The following TMEM184A variants were observed in gnomAD, a reference collection of about 807,000 sequenced individuals.
TMEM184A encodes transmembrane protein 184A.
In TMEM184A, 40 loss-of-function variants were observed where a neutral mutation model predicts 39.5. That is an observed-to-expected ratio of 1.01 (90% CI 0.79 to 1.32). The LOEUF is 1.32. Ranked by LOEUF, TMEM184A falls within the 40% of genes most tolerant of loss-of-function variation. TMEM184A has a pLI of 0.00. For missense variants in TMEM184A, 603 were observed against 568.8 expected (o/e 1.06, Z -0.61); for synonymous variants, 280 against 252.3 (o/e 1.11, Z -1.04).
At chr7:1,549,255 C>T in intron 6 of TMEM184A, 1 of 369,754 alleles carries the variant, frequency 2.7e-6, no homozygotes, top group Non-Finnish European at 5.3e-6. Flanking sequence ...TGTGTGCGCA[C>T]AGGTGACAGC....
chr7:1,550,500 C>T (rs1302639385), intron 3 of TMEM184A, 105 bp from the exon 4 acceptor site: 1 of 939,626 alleles, frequency 1.1e-6, no homozygotes, highest in African/African-American at 1.6e-5. Flanking sequence ...GGGCTGAGCC[C>T]AGCAGGCCAC....
intron 6 of TMEM184A, chr7:1,549,565 G>A (rs2128554625): frequency 1.8e-6 from 1 of 549,228 alleles, no homozygotes; most frequent in Admixed American, 2.2e-5. Context: ...TGTCCTGTGA[G>A]GGGAGGTCCA....
rs767524220 is a variant in TMEM184A at position 1,547,851 on chromosome 7, G to A, written c.903C>T (p.Ala301=). 29 of 1,607,782 alleles carry A rather than the reference G, an allele frequency of 1.8e-5. No homozygotes were observed. The highest frequency in any genetic ancestry group is 5.3e-5 in the African/African-American group (4 of 74,828). ...GGNKLGAGTL[A]AGYQNFIICV... is the part of the protein sequence containing the mutation. Reference sequence around the variant, plus strand: ...AGATGATGAAGTTCTGGTAGCCGGCGGCCAGCGTGCCAGCCCCCAGCTTGT... The same window carrying A: ...AGATGATGAAGTTCTGGTAGCCGGCAGCCAGCGTGCCAGCCCCCAGCTTGT... Residue 301 remains alanine (A), a synonymous_variant, in exon 8 of 9, where the codon GCC becomes GCT. Coordinates refer to ENST00000297477, the MANE Select transcript of TMEM184A (RefSeq NM_001097620.2).
rs1434365871 is a variant in TMEM184A, at chr7:1,553,077, A to G, written c.220-2095T>C. Among the ~76,000 whole-genome samples, 4 of 152,092 alleles carry G rather than the reference A, an allele frequency of 2.6e-5. No homozygotes were observed. In the East Asian group the frequency reaches 7.7e-4, roughly 29 times the overall value. Reference sequence around the variant, plus strand: ...CTAAAAAAAAAGAAAGCCTGGGAAAAAGTATGGGTGATTATAGTAGTGTTT... The same window carrying G: ...CTAAAAAAAAAGAAAGCCTGGGAAAGAGTATGGGTGATTATAGTAGTGTTT... On this transcript the variant is annotated intron_variant, in intron 2 of 8. Transcript: ENST00000297477.
In TMEM184A at chr7:1,546,099, G is replaced by C. The variant is rs1025713367; in HGVS notation, c.*853C>G. 6.6e-6 allele frequency: 1 copy of C among 152,614 alleles called. No individual in the cohort carries two copies. Among genetic ancestry groups the C allele is most frequent in the African/African-American group, 2.4e-5 (1 of 41,454 alleles). 9.5% of individuals were successfully genotyped at this position (152,614 alleles called of 1,614,324 possible). ...TCTGCCCTGCACTGCCCTGGACCAC[G>C]AGGCTGCCCACCCCAGACAGGTGGG... is the stretch of plus-strand genomic sequence containing the variant. On this transcript the variant is annotated 3_prime_UTR_variant, in exon 9 of 9. Transcript: ENST00000297477.
chr7:1,547,195 G>C lies in TMEM184A; in HGVS notation c.1013-14C>G. Reference sequence around the variant, plus strand: ...GTGCCGGGGGGGCTGGGGGAGGGCAGTGTATGAGCCCCACCATCCCCCCTG... The same window carrying C: ...GTGCCGGGGGGGCTGGGGGAGGGCACTGTATGAGCCCCACCATCCCCCCTG... On this transcript the variant is annotated splice_polypyrimidine_tract_variant and intron_variant, in intron 8 of 8. Coordinates refer to ENST00000297477, the MANE Select transcript of TMEM184A (RefSeq NM_001097620.2). The C allele has an allele frequency of 6.7e-7, 1 of 1,484,972 alleles. No homozygotes were observed. The highest frequency in any genetic ancestry group is 9.3e-7 in the Non-Finnish European group (1 of 1,079,222). The allele number at this position is 1,484,972 out of a possible 1,614,324, so 92.0% of individuals were successfully genotyped here. A position where few individuals can be genotyped will look rare whatever the true frequency, so the allele number is the denominator to read the frequency against.
At chr7:1,554,819 C>T (rs995596776) in intron 2 of TMEM184A, among the ~76,000 whole-genome samples, 25 of 152,298 alleles carry the variant, frequency 1.6e-4, no homozygotes, top group African/African-American at 6.0e-4. Context: ...GTGACCTTTG[C>T]TCCCCAGCTC....
chr7:1,555,545 A>T lies in TMEM184A; in HGVS notation c.1-61T>A. 1 of 1,313,342 alleles carries T rather than the reference A, an allele frequency of 7.6e-7. No individual in the cohort carries two copies. The highest frequency in any genetic ancestry group is 1.1e-6 in the Non-Finnish European group (1 of 922,770). The allele number at this position is 1,313,342 out of a possible 1,614,324, so 81.4% of individuals were successfully genotyped here. ...GAGGGCAAAGGTACTGGCTCCCGGC[A>T]GCAGGAAGCAGCGGGGGAGGGAGGA... On this transcript the variant is annotated intron_variant, in intron 1 of 8. Coordinates refer to ENST00000297477, the MANE Select transcript of TMEM184A (RefSeq NM_001097620.2). This position sits in a 1 kb window ranked among gnomAD's most constrained non-coding sequence, Gnocchi z 5.2.
chr7:1,550,414 G>C lies in TMEM184A; in HGVS notation c.386-19C>G, dbSNP rs369268273. 5 of 1,599,386 alleles carry C rather than the reference G, an allele frequency of 3.1e-6. No homozygotes were observed. Among genetic ancestry groups the C allele is most frequent in the African/African-American group, 1.3e-5 (1 of 74,668 alleles). On this transcript the variant is annotated intron_variant, in intron 3 of 8. Coordinates refer to ENST00000297477, the MANE Select transcript of TMEM184A (RefSeq NM_001097620.2). The stretch of plus-strand genomic sequence containing the variant: ...ACAAAGGCTGCAGGGAGCACAGAGG[G>C]GGACCGGCTGTGAGCCCTGAGCTGC...
chr7:1,549,252 G>A (rs530507519), intron 6 of TMEM184A: 105 of 444,962 alleles, frequency 2.4e-4, no homozygotes, highest in Admixed American at 5.9e-4. Context: ...TGATGTGTGC[G>A]CACAGGTGAC....
At chr7:1,552,876 G>T (rs568312392) in intron 2 of TMEM184A, among the ~76,000 whole-genome samples, 1 of 152,230 alleles carries the variant, frequency 6.6e-6, no homozygotes, top group East Asian at 1.9e-4. Flanking sequence ...TCAACAGGGC[G>T]AACTCCATCT....
rs1236634988 is a variant in TMEM184A at position 1,543,975 on chromosome 7, C to T, written c.*2977G>A. 1 of 152,322 alleles carries T rather than the reference C, an allele frequency of 6.6e-6. No homozygotes were observed. Among genetic ancestry groups the T allele is most frequent in the Non-Finnish European group, 1.5e-5 (1 of 68,112 alleles). The allele number at this position is 152,322 out of a possible 1,614,324, so 9.4% of individuals were successfully genotyped here. A position where few individuals can be genotyped will look rare whatever the true frequency, so the allele number is the denominator to read the frequency against. On this transcript the variant is annotated 3_prime_UTR_variant, in exon 9 of 9. Coordinates refer to ENST00000297477, the MANE Select transcript of TMEM184A (RefSeq NM_001097620.2). ...CATCTGTGTGGCCTGGGGCCAGTTCCCTCCTTCCCAGCCTTGCTTCCTGTG... is the reference window on the plus strand; with the variant it reads ...CATCTGTGTGGCCTGGGGCCAGTTCTCTCCTTCCCAGCCTTGCTTCCTGTG...
chr7:1,542,705 T>C lies in TMEM184A; in HGVS notation c.*4247A>G, dbSNP rs1011032680. The C allele has an allele frequency of 6.6e-6, 1 of 152,546 alleles. No homozygotes were observed. The highest frequency in any genetic ancestry group is 2.4e-5 in the African/African-American group (1 of 41,476). The allele number at this position is 152,546 out of a possible 1,614,324, so 9.4% of individuals were successfully genotyped here. ...ATTTAAGAAAAAGACGAGGGACTCTTTGTCACGTGGGTTTGTTTTCTGTCT... is the reference window on the plus strand; with the variant it reads ...ATTTAAGAAAAAGACGAGGGACTCTCTGTCACGTGGGTTTGTTTTCTGTCT... On this transcript the variant is annotated 3_prime_UTR_variant, in exon 9 of 9. Coordinates refer to ENST00000297477, the MANE Select transcript of TMEM184A (RefSeq NM_001097620.2).
At chr7:1,547,674 G>A (rs1049440836) in intron 8 of TMEM184A, 68 bp downstream of exon 8, 25 of 1,498,018 alleles carry the variant, frequency 1.7e-5, no homozygotes, top group African/African-American at 1.7e-4. Context: ...AGAATGGCAC[G>A]GACACAGACA....
At chr7:1,553,886 G>A (rs547228114) in intron 2 of TMEM184A, among the ~76,000 whole-genome samples, 2 of 152,178 alleles carry the variant, frequency 1.3e-5, no homozygotes, top group Non-Finnish European at 2.9e-5. Flanking sequence ...TCAGGGGTGG[G>A]ACAGGGCCTG....
intron 2 of TMEM184A, among the ~76,000 whole-genome samples, chr7:1,554,528 C>T (rs1043475088): frequency 6.6e-6 from 1 of 152,224 alleles, no homozygotes; most frequent in Middle Eastern, 3.2e-3. Flanking sequence ...CACCCCACCC[C>T]TGCGCACACC....
At chr7:1,553,470 G>A (rs1304651827) in intron 2 of TMEM184A, among the ~76,000 whole-genome samples, 4 of 152,162 alleles carry the variant, frequency 2.6e-5, no homozygotes, top group Non-Finnish European at 5.9e-5. Flanking sequence ...CATGTTTTCT[G>A]TGAGGATACA....
rs1335915149 is a variant in TMEM184A, at chr7:1,543,591, T to C, written c.*3361A>G. ...GTTTTTGGGGCTGAGCTGACCGAGG[T>C]GTGAACGCTGTTCAGTGCTGGACCA... is the stretch of plus-strand genomic sequence containing the variant. On this transcript the variant is annotated 3_prime_UTR_variant, in exon 9 of 9. Coordinates refer to ENST00000297477, the MANE Select transcript of TMEM184A (RefSeq NM_001097620.2). 6.6e-6 allele frequency: 1 copy of C among 152,048 alleles called. No individual in the cohort carries two copies. Among genetic ancestry groups the C allele is most frequent in the Non-Finnish European group, 1.5e-5 (1 of 68,082 alleles). The allele number at this position is 152,048 out of a possible 1,614,324, so 9.4% of individuals were successfully genotyped here.
At chr7:1,553,611 C>T (rs28415041) in intron 2 of TMEM184A, among the ~76,000 whole-genome samples, 68 of 151,998 alleles carry the variant, frequency 4.5e-4, no homozygotes, top group African/African-American at 1.6e-3. Context: ...TGCACCTGGC[C>T]GCTTGGGGTG....
Sources: allele counts gnomAD v4.1 joint callset (sites outside exome capture counted in the v4.1 genomes callset), GRCh38; gene constraint gnomAD v4.1.1; non-coding constraint Gnocchi (gnomAD v3.1); transcripts MANE v1.5; gene names NCBI Gene and HGNC (gene_info 2026-07-23, HGNC 2026-07-21).